NHLRC2: variants seen among roughly 807,000 people sequenced by gnomAD.
NHLRC2 encodes NHL repeat containing 2.
A neutral mutation model predicts 68.1 loss-of-function variants in NHLRC2; 33 were observed. That is an observed-to-expected ratio of 0.48 (90% CI 0.37 to 0.65). The LOEUF (loss-of-function observed/expected upper bound fraction) is 0.65. Among genes scored for constraint, NHLRC2 ranks in the 30% least tolerant of loss-of-function variants. NHLRC2 has a pLI of 0.00. For missense variants in NHLRC2, 761 were observed against 853.8 expected, an observed-to-expected ratio of 0.89 and a Z score of 1.35; for synonymous variants, 311 against 309.6, an observed-to-expected ratio of 1.00 and a Z score of -0.05.
intron 3 of NHLRC2, among the ~76,000 whole-genome samples, chr10:113,879,351 C>T (rs932412764): frequency 6.6e-6 from 1 of 152,090 alleles, no homozygotes; most frequent in Non-Finnish European, 1.5e-5. Context: ...TTATTTTCTT[C>T]GCTATATACT....
At chr10:113,866,913 TC>T (rs1212944718) in intron 2 of NHLRC2, among the ~76,000 whole-genome samples, 1 of 151,934 alleles carries the variant, frequency 6.6e-6, no homozygotes, top group Non-Finnish European at 1.5e-5. Context: ...GGTACAAGAT[TC>T]TAGAGTCTTC....
chr10:113,856,699 CATATA>C lies in NHLRC2; in HGVS notation c.178+1653_178+1657del, dbSNP rs796136043. ...CCTCTGTGACTCATAACTAAAAAAA[CATATA>C]ATAAAATATTCAGGCTTTGTGTTTA... On this transcript the variant is annotated intron_variant, in intron 1 of 10. Transcript: ENST00000369301. Among the ~76,000 whole-genome samples the C allele has an allele frequency of 3.5e-4, 54 of 152,158 alleles. 1 individual carries two copies. Among genetic ancestry groups the C allele is most frequent in the African/African-American group, 1.3e-3 (53 of 41,498 alleles).
chr10:113,862,745 G>A (rs1222242168), intron 2 of NHLRC2, among the ~76,000 whole-genome samples: 1 of 152,210 alleles, frequency 6.6e-6, no homozygotes, highest in African/African-American at 2.4e-5. Flanking sequence ...GATATTGTAT[G>A]CAAATTGTAA....
At position 113,914,995 on chromosome 10, in the gene NHLRC2, G is replaced by A. The variant is rs1846368091; in HGVS notation, c.*6459G>A. On this transcript the variant is annotated 3_prime_UTR_variant, in exon 11 of 11. Transcript: ENST00000369301. Reference sequence around the variant, plus strand: ...TGCCCCAATCACAGAGCCTGGGTAAGGTGGAACAGGAGGCAGCCCCACTCG... The same window carrying A: ...TGCCCCAATCACAGAGCCTGGGTAAAGTGGAACAGGAGGCAGCCCCACTCG... The A allele has an allele frequency of 2.2e-6, 1 of 456,300 alleles. No homozygotes were observed. The highest frequency in any genetic ancestry group is 4.4e-6 in the Non-Finnish European group (1 of 226,980). The allele number at this position is 456,300 out of a possible 1,614,324, so 28.3% of individuals were successfully genotyped here. A position where few individuals can be genotyped will look rare whatever the true frequency, so the allele number is the denominator to read the frequency against.
At chr10:113,904,003 G>T (rs988615709) in intron 9 of NHLRC2, among the ~76,000 whole-genome samples, 29 of 151,344 alleles carry the variant, frequency 1.9e-4, no homozygotes, top group African/African-American at 7.0e-4. Flanking sequence ...AAAAAAAAAA[G>T]GAGAGGACTC....
In NHLRC2 at chr10:113,890,353, T is replaced by G. The variant is rs539248384; in HGVS notation, c.1039+5973T>G. The stretch of plus-strand genomic sequence containing the variant: ...CTCCATTGTCTTTTGACTTACATAG[T>G]TTTCCACAAGACACCTGTTTTAATA... On this transcript the variant is annotated intron_variant, in intron 5 of 10. Transcript: ENST00000369301. 8.4e-4 allele frequency among the ~76,000 whole-genome samples: 127 copies of G among 151,522 alleles called. 1 individual carries two copies. The highest frequency in any genetic ancestry group is 2.8e-3 in the African/African-American group (115 of 40,786).
chr10:113,857,065 A>G (rs1845767162), intron 1 of NHLRC2, among the ~76,000 whole-genome samples: 1 of 152,192 alleles, frequency 6.6e-6, no homozygotes, highest in African/African-American at 2.4e-5. Flanking sequence ...ATTTGTATTG[A>G]AAGTAATATA....
intron 2 of NHLRC2, among the ~76,000 whole-genome samples, chr10:113,871,015 CTTTTTTTT>C (rs1169108158): frequency 7.6e-5 from 5 of 65,724 alleles, no homozygotes; most frequent in African/African-American, 2.0e-4. Flanking sequence ...CTTCCTGCAT[CTTTTTTTT>C]TTTTTTTTTT....
rs1395509426 is a variant in NHLRC2, at chr10:113,884,344, A to G, written c.1003A>G (p.Ile335Val). 3 of 1,610,272 alleles carry G rather than the reference A, an allele frequency of 1.9e-6. No homozygotes were observed. The highest frequency in any genetic ancestry group is 2.7e-5 in the African/African-American group (2 of 74,810). ...EGGAKGEQQPISSPWDVVFGT... is the reference protein window; with the variant it reads ...EGGAKGEQQPVSSPWDVVFGT... Reference sequence around the variant, plus strand: ...TGGAGCAAAAGGAGAACAACAACCCATTAGTTCCCCTTGGGATGTAGTTTT... The same window carrying G: ...TGGAGCAAAAGGAGAACAACAACCCGTTAGTTCCCCTTGGGATGTAGTTTT... Residue 335 changes from isoleucine (I) to valine (V), a missense_variant, in exon 5 of 11, where the codon ATT (isoleucine) becomes GTT (valine). Ile to Val is a conservative substitution (Grantham distance 29, BLOSUM62 3). Transcript: ENST00000369301.
At chr10:113,855,135 G>A in intron 1 of NHLRC2, 85 bp downstream of exon 1, 1 of 1,283,338 alleles carries the variant, frequency 7.8e-7, no homozygotes, top group East Asian at 2.5e-5. Context: ...CGGTGGGCTA[G>A]GCGGGTTTGT....
intron 5 of NHLRC2, among the ~76,000 whole-genome samples, chr10:113,892,707 A>G (rs1846143672): frequency 6.6e-6 from 1 of 152,046 alleles, no homozygotes; most frequent in Non-Finnish European, 1.5e-5. Context: ...GCTCAGGGTA[A>G]AAATTTCTGG....
intron 8 of NHLRC2, 91 bp downstream of exon 8, chr10:113,902,684 C>G: frequency 9.2e-7 from 1 of 1,085,096 alleles, no homozygotes; most frequent in South Asian, 1.4e-5. Flanking sequence ...AACTGCCACT[C>G]TAAAATATAG....
chr10:113,859,839 GGAAAAGA>G (rs1194749543), intron 2 of NHLRC2, among the ~76,000 whole-genome samples: 1 of 152,122 alleles, frequency 6.6e-6, no homozygotes, highest in Non-Finnish European at 1.5e-5. Flanking sequence ...TAGAAACATT[GGAAAAGA>G]TTTCTCAGAG....
rs772769781 is a variant in NHLRC2, at chr10:113,904,940, G to A, written c.1828G>A (p.Ala610Thr). ...TAGGCTTTCCCCCGTGACTGCGTGT[G>A]CTGGCCAGACTCTTCAGTTCAAACT... ...SIRLSPVTAC[A>T]GQTLQFKLRL... The change falls in exon 10 of 11, where the codon GCT becomes ACT. Residue 610 changes from alanine (A) to threonine (T), a missense_variant. Ala to Thr is a moderately conservative substitution (Grantham distance 58). Transcript: ENST00000369301. The A allele has an allele frequency of 6.2e-7, 1 of 1,600,670 alleles. No homozygotes were observed. Among genetic ancestry groups the A allele is most frequent in the East Asian group, 2.2e-5 (1 of 44,646 alleles).
chr10:113,894,506 A>G (rs778989241), intron 5 of NHLRC2, among the ~76,000 whole-genome samples: 5 of 152,182 alleles, frequency 3.3e-5, no homozygotes, highest in Non-Finnish European at 7.4e-5. Context: ...TTTTGTGTGC[A>G]TAGTTATGTC....
chr10:113,860,576 G>C (rs1043142007), intron 2 of NHLRC2, among the ~76,000 whole-genome samples: 1 of 151,870 alleles, frequency 6.6e-6, no homozygotes, highest in Non-Finnish European at 1.5e-5. Flanking sequence ...TAAACCGATA[G>C]AAATTGTCTC....
intron 2 of NHLRC2, among the ~76,000 whole-genome samples, chr10:113,865,098 C>T (rs946374615): frequency 6.6e-6 from 1 of 151,856 alleles, no homozygotes; most frequent in Non-Finnish European, 1.5e-5. Context: ...TACAGGCGCT[C>T]CTCACCACGC....
At chr10:113,902,768 G>A (rs1846239977) in intron 8 of NHLRC2, among the ~76,000 whole-genome samples, 175 bp downstream of exon 8, 1 of 152,174 alleles carries the variant, frequency 6.6e-6, no homozygotes, top group Admixed American at 6.5e-5. Flanking sequence ...TTGCCAAGAG[G>A]TTATGATGGT....
At chr10:113,867,753 T>C (rs1845882311) in intron 2 of NHLRC2, among the ~76,000 whole-genome samples, 2 of 152,166 alleles carry the variant, frequency 1.3e-5, no homozygotes, top group African/African-American at 4.8e-5. Context: ...TTTTTGTTTT[T>C]GTTTTTGTTT....
Sources: gnomAD v4.1 joint callset for allele counts (sites outside exome capture counted in the v4.1 genomes callset) on GRCh38, gnomAD v4.1.1 for gene constraint, MANE v1.5 for transcripts, NCBI Gene and HGNC (gene_info 2026-07-23, HGNC 2026-07-21) for gene names.